ROBO2: variants seen among roughly 807,000 people sequenced by gnomAD.
The protein encoded by ROBO2 is roundabout homolog 2.
Under a neutral mutation model 160.8 loss-of-function variants are expected in ROBO2, and 53 were observed. That is an observed-to-expected ratio of 0.33 (90% CI 0.26 to 0.41). ROBO2 has a LOEUF of 0.41. ROBO2 is among the 10% of genes least tolerant of loss of function. The pLI is 1.00. For synonymous variants in ROBO2, 664 were observed against 611.7 expected, an observed-to-expected ratio of 1.09 and a Z score of -1.26; for missense variants, 1,577 against 1,722.4, an observed-to-expected ratio of 0.92 and a Z score of 1.49.
chr3:75,981,408 T>G (rs2065270698), intron 2 of ROBO2, among the ~76,000 whole-genome samples: 1 of 151,378 alleles, frequency 6.6e-6, no homozygotes, highest in Non-Finnish European at 1.5e-5. Context: ...AAAGACAGTG[T>G]TAATTATATA....
chr3:76,017,674 A>G (rs896070212), intron 2 of ROBO2, among the ~76,000 whole-genome samples: 1 of 152,044 alleles, frequency 6.6e-6, no homozygotes, highest in Non-Finnish European at 1.5e-5. Context: ...ATACATACCA[A>G]TCACACACAC....
intron 2 of ROBO2, among the ~76,000 whole-genome samples, chr3:76,857,554 C>T (rs1158277317): frequency 6.6e-6 from 1 of 152,124 alleles, no homozygotes; most frequent in Non-Finnish European, 1.5e-5. Context: ...ATTTTCTTCA[C>T]TACCCAAAAC....
chr3:77,444,884 G>C (rs2080307074), intron 2 of ROBO2, among the ~76,000 whole-genome samples: 1 of 152,178 alleles, frequency 6.6e-6, no homozygotes, highest in Non-Finnish European at 1.5e-5. Context: ...TGTCACCTAT[G>C]TTTGGAATGT....
chr3:77,068,711 A>C (rs2067111513), intron 1 of ROBO2, among the ~76,000 whole-genome samples: 2 of 152,220 alleles, frequency 1.3e-5, no homozygotes, highest in South Asian at 2.1e-4. Flanking sequence ...ACGTGAATAA[A>C]GTAATGTTTT....
intron 2 of ROBO2, among the ~76,000 whole-genome samples, chr3:77,476,373 T>G (rs1351149561): frequency 9.5e-5 from 3 of 31,536 alleles, no homozygotes; most frequent in African/African-American, 3.0e-4. Flanking sequence ...TGGGTATGTG[T>G]GTGTGTGTGT....
chr3:77,405,397 T>G (rs949889155), intron 2 of ROBO2, among the ~76,000 whole-genome samples: 4 of 152,090 alleles, frequency 2.6e-5, no homozygotes, highest in African/African-American at 9.7e-5. Context: ...ATGTATTTGA[T>G]TCACCAAAAA....
At chr3:76,643,388 G>C (rs1187024056) in intron 2 of ROBO2, among the ~76,000 whole-genome samples, 1 of 152,140 alleles carries the variant, frequency 6.6e-6, no homozygotes, top group African/African-American at 2.4e-5. Flanking sequence ...GAATATCTCT[G>C]AGATTACAGT....
At chr3:76,259,145 T>C (rs965444661) in intron 2 of ROBO2, among the ~76,000 whole-genome samples, 1 of 152,104 alleles carries the variant, frequency 6.6e-6, no homozygotes, top group African/African-American at 2.4e-5. Flanking sequence ...GTTTTTTGTT[T>C]TGTTTTGTTT....
At chr3:76,065,828 C>T (rs13088299) in intron 2 of ROBO2, among the ~76,000 whole-genome samples, 1,656 of 150,146 alleles carry the variant, frequency 0.011, 13 homozygotes, top group Non-Finnish European at 0.016. Context: ...AGTGGTTATT[C>T]TGAATTTTGT....
intron 2 of ROBO2, among the ~76,000 whole-genome samples, chr3:77,180,431 TG>T: frequency 8.3e-6 from 1 of 119,834 alleles, no homozygotes; most frequent in Non-Finnish European, 1.9e-5. Flanking sequence ...TATATATATA[TG>T]TATTTTTTTT....
At chr3:77,164,482 A>G (rs1483633787) in intron 2 of ROBO2, among the ~76,000 whole-genome samples, 3 of 101,374 alleles carry the variant, frequency 3.0e-5, no homozygotes, top group African/African-American at 4.0e-5. Flanking sequence ...TCCGGGAGGG[A>G]GGTGGGGGGG....
At chr3:76,734,102 T>C (rs2093674755) in intron 2 of ROBO2, among the ~76,000 whole-genome samples, 1 of 152,056 alleles carries the variant, frequency 6.6e-6, no homozygotes, top group Admixed American at 6.5e-5. Context: ...CCTAATACCA[T>C]CAGATTTGGG....
chr3:75,949,391 C>A (rs1387637085), intron 2 of ROBO2, among the ~76,000 whole-genome samples: 1 of 152,028 alleles, frequency 6.6e-6, no homozygotes. Context: ...GAATTTATCT[C>A]AGAGGAATTT....
At chr3:77,548,146 T>TACATACACATACACACACAC (rs2092775243) in intron 7 of ROBO2, among the ~76,000 whole-genome samples, 2 of 149,898 alleles carry the variant, frequency 1.3e-5, no homozygotes, top group African/African-American at 4.9e-5. Flanking sequence ...CACATACACA[T>TACATACACATACACACACAC]ACATACACAT....
exon 22 of ROBO2, chr3:77,617,688 C>T: frequency 6.2e-7 from 1 of 1,614,052 alleles, no homozygotes; most frequent in South Asian, 1.1e-5. Context: ...TACTCCATCC[C>T]CACGGGAAGA....
At chr3:77,461,417 T>C (rs910502035) in intron 2 of ROBO2, among the ~76,000 whole-genome samples, 17 of 152,034 alleles carry the variant, frequency 1.1e-4, no homozygotes, top group African/African-American at 4.1e-4. Context: ...AGAGTTATAT[T>C]GTTTAAAGAT....
At chr3:77,478,549 G>A (rs1217980401) in intron 3 of ROBO2, among the ~76,000 whole-genome samples, 1 of 152,150 alleles carries the variant, frequency 6.6e-6, no homozygotes, top group Admixed American at 6.5e-5. Flanking sequence ...CGCAACATTT[G>A]TATGTGAAGT....
At chr3:77,203,780 T>G (rs1018128187) in intron 2 of ROBO2, among the ~76,000 whole-genome samples, 1 of 152,210 alleles carries the variant, frequency 6.6e-6, no homozygotes, top group Non-Finnish European at 1.5e-5. Context: ...ATTTTCTCAT[T>G]CAGTTTTTGC....
chr3:75,911,592 C>G (rs1946590778), intron 1 of ROBO2, among the ~76,000 whole-genome samples: 2 of 113,738 alleles, frequency 1.8e-5, no homozygotes, highest in Non-Finnish European at 3.3e-5. Flanking sequence ...GAGTTTCGCT[C>G]TGTCGCCCAG....
Sources: gnomAD v4.1 joint callset for allele counts (sites outside exome capture counted in the v4.1 genomes callset) on GRCh38, gnomAD v4.1.1 for gene constraint, MANE v1.5 for transcripts, NCBI Gene and HGNC (gene_info 2026-07-23, HGNC 2026-07-21) for gene names.